The following LHFPL3 variants were observed in gnomAD, a reference collection of about 807,000 sequenced individuals.
LHFPL3 encodes LHFPL tetraspan subfamily member 3 protein.
In LHFPL3, 5 loss-of-function variants were observed where a neutral mutation model predicts 19.3. The ratio of observed to expected loss-of-function variants is 0.26; its 90% CI spans 0.14 to 0.54. LHFPL3 has a LOEUF of 0.54. LHFPL3 is among the 20% of genes least tolerant of loss of function. LHFPL3 has a pLI of 0.94. For missense variants in LHFPL3, 249 were observed against 307.4 expected (o/e 0.81, Z 1.42); for synonymous variants, 133 against 126.2 (o/e 1.05, Z -0.36).
chr7:104,430,429 T>TGTATATATATATAC (rs1791964206), intron 1 of LHFPL3, among the ~76,000 whole-genome samples: 17 of 12,236 alleles, frequency 1.4e-3, no homozygotes, highest in Non-Finnish European at 2.7e-3. Flanking sequence ...CATATATATA[T>TGTATATATATATAC]ATATATATAT....
In LHFPL3 at chr7:104,683,942, G is replaced by T. The variant is rs370655898; in HGVS notation, c.446-52733G>T. Among the ~76,000 whole-genome samples the T allele has an allele frequency of 3.3e-5, 5 of 152,144 alleles. No individual in the cohort carries two copies. The East Asian group carries it at 5.8e-4, about 18-fold the overall frequency. On this transcript the variant is annotated intron_variant, in intron 1 of 2. Transcript: ENST00000424859. ...ATCAATTGAGAACCAGTTCTCTCAC[G>T]ATATTTGTGAAAAGGCATATCTGTA... is the stretch of plus-strand genomic sequence containing the variant.
chr7:104,347,951 C>T (rs995007534), intron 1 of LHFPL3, among the ~76,000 whole-genome samples: 1 of 151,618 alleles, frequency 6.6e-6, no homozygotes, highest in African/African-American at 2.4e-5. Flanking sequence ...ACTGATGTCA[C>T]AATCCAAAGC....
chr7:104,893,260 T>A (rs1792288515), intron 2 of LHFPL3, among the ~76,000 whole-genome samples: 1 of 151,532 alleles, frequency 6.6e-6, no homozygotes, highest in South Asian at 2.1e-4. Context: ...ACACCTGTAA[T>A]CCCAGCACTT....
intron 2 of LHFPL3, among the ~76,000 whole-genome samples, chr7:104,865,039 A>G (rs1305945485): frequency 1.4e-5 from 2 of 145,314 alleles, no homozygotes; most frequent in Non-Finnish European, 3.1e-5. Flanking sequence ...GAAAACTAAC[A>G]AACAGAAAGG....
At chr7:104,512,561 C>A (rs546468243) in intron 1 of LHFPL3, among the ~76,000 whole-genome samples, 96 of 152,022 alleles carry the variant, frequency 6.3e-4, no homozygotes, top group African/African-American at 2.1e-3. Flanking sequence ...CATGGTGAAA[C>A]CCCGTCTCTA....
chr7:104,394,651 G>T (rs938541415), intron 1 of LHFPL3, among the ~76,000 whole-genome samples: 1 of 151,348 alleles, frequency 6.6e-6, no homozygotes, highest in African/African-American at 2.4e-5. Flanking sequence ...AAACATTCTG[G>T]TTAGCATTAA....
At chr7:104,877,410 C>A (rs1010192399) in intron 2 of LHFPL3, among the ~76,000 whole-genome samples, 2 of 152,012 alleles carry the variant, frequency 1.3e-5, no homozygotes, top group South Asian at 2.1e-4. Context: ...TAAAACTCTA[C>A]AATAAAAGGA....
At chr7:104,684,963 C>T (rs1468595229) in intron 1 of LHFPL3, among the ~76,000 whole-genome samples, 1 of 152,174 alleles carries the variant, frequency 6.6e-6, no homozygotes, top group Non-Finnish European at 1.5e-5. Context: ...TCTTTCATGG[C>T]AGTAAAAACA....
At chr7:104,557,045 T>C (rs1287154286) in intron 1 of LHFPL3, among the ~76,000 whole-genome samples, 3 of 152,204 alleles carry the variant, frequency 2.0e-5, no homozygotes, top group Non-Finnish European at 4.4e-5. Flanking sequence ...GTCCATATTA[T>C]TATCAACATT....
At chr7:104,669,616 C>G in intron 1 of LHFPL3, 4 of 1,575,768 alleles carry the variant, frequency 2.5e-6, no homozygotes, top group Non-Finnish European at 2.6e-6. Context: ...TTCTCTCCAC[C>G]CTGGAACATT....
intron 1 of LHFPL3, among the ~76,000 whole-genome samples, chr7:104,608,538 C>G (rs1365906705): frequency 6.6e-6 from 1 of 150,502 alleles, no homozygotes; most frequent in African/African-American, 2.4e-5. Flanking sequence ...GGAGATATAC[C>G]TAATGCTAAA....
At chr7:104,618,245 A>G (rs1193523481) in intron 1 of LHFPL3, among the ~76,000 whole-genome samples, 1 of 152,244 alleles carries the variant, frequency 6.6e-6, no homozygotes, top group Admixed American at 6.5e-5. Flanking sequence ...ATGACATTCT[A>G]TAATTAAGAA....
At chr7:104,560,093 T>A (rs1393333547) in intron 1 of LHFPL3, among the ~76,000 whole-genome samples, 1 of 146,366 alleles carries the variant, frequency 6.8e-6, no homozygotes, top group African/African-American at 2.7e-5. Flanking sequence ...AGTATTTTAT[T>A]GAGGATTTTT....
intron 1 of LHFPL3, among the ~76,000 whole-genome samples, chr7:104,640,307 T>G (rs1461124004): frequency 6.6e-6 from 1 of 152,106 alleles, no homozygotes; most frequent in Non-Finnish European, 1.5e-5. Context: ...TGGTGTGTGA[T>G]TCCCCTCCCT....
intron 1 of LHFPL3, among the ~76,000 whole-genome samples, chr7:104,362,598 C>T (rs1000024999): frequency 6.6e-6 from 1 of 152,168 alleles, no homozygotes; most frequent in African/African-American, 2.4e-5. Flanking sequence ...GATGTAACTG[C>T]CCAATGGGTT....
intron 1 of LHFPL3, among the ~76,000 whole-genome samples, chr7:104,673,152 G>A (rs1792519012): frequency 6.6e-6 from 1 of 152,108 alleles, no homozygotes; most frequent in Admixed American, 6.5e-5. Context: ...GTTTTTAATG[G>A]CTTGGAATGA....
At chr7:104,765,964 G>C (rs1372435318) in intron 2 of LHFPL3, among the ~76,000 whole-genome samples, 1 of 152,140 alleles carries the variant, frequency 6.6e-6, no homozygotes, top group Non-Finnish European at 1.5e-5. Context: ...CACTACTATG[G>C]AATAGTTTTG....
chr7:104,602,027 T>TTTTTTTTTTTTTTTTTTTTTTTTG (rs1790981589), intron 1 of LHFPL3, among the ~76,000 whole-genome samples: 1 of 137,522 alleles, frequency 7.3e-6, no homozygotes, highest in Non-Finnish European at 1.6e-5. Context: ...TTTCTTTTTT[T>TTTTTTTTTTTTTTTTTTTTTTTTG]TTTTTTTTTT....
intron 1 of LHFPL3, among the ~76,000 whole-genome samples, chr7:104,379,243 G>T (rs562481946): frequency 3.2e-4 from 48 of 152,350 alleles, no homozygotes; most frequent in South Asian, 1.9e-3. Context: ...TACCGTTTCA[G>T]GACGGAGTCA....
Sources: gnomAD v4.1 joint callset for allele counts (sites outside exome capture counted in the v4.1 genomes callset) on GRCh38, gnomAD v4.1.1 for gene constraint, MANE v1.5 for transcripts, NCBI Gene and HGNC (gene_info 2026-07-23, HGNC 2026-07-21) for gene names.